CAMK1G: variants seen among roughly 807,000 people sequenced by gnomAD.
CAMK1G encodes the protein calcium/calmodulin dependent protein kinase IG.
CAMK1G carries 27 observed loss-of-function variants against 54.8 expected under a neutral mutation model. That is an observed-to-expected ratio of 0.49 (90% CI 0.36 to 0.68). The LOEUF (loss-of-function observed/expected upper bound fraction) is 0.68. CAMK1G is among the 30% of genes least tolerant of loss of function. The pLI is 0.00. For synonymous variants in CAMK1G, 238 were observed against 224.9 expected (o/e 1.06, Z -0.52); for missense variants, 512 against 591.0 (o/e 0.87, Z 1.39).
At position 209,611,830 on chromosome 1, in the gene CAMK1G, G is replaced by A. The variant is rs370405106; in HGVS notation, c.954G>A (p.Arg318=). The A allele has an allele frequency of 2.8e-5, 46 of 1,614,048 alleles. No individual in the cohort carries two copies. Among genetic ancestry groups the A allele is most frequent in the Non-Finnish European group, 3.7e-5 (44 of 1,180,052 alleles). The change falls in exon 11 of 13, where the codon AGG becomes AGA. Residue 318 remains arginine (R), a synonymous_variant. Transcript: ENST00000361322. ...FNAAAVVHHM[R]KLHMNLHSPG... ...CAGCAGCTGTGGTGCACCACATGAGGAAGCTACACATGAACCTGCACAGCC... is the reference window on the plus strand; with the variant it reads ...CAGCAGCTGTGGTGCACCACATGAGAAAGCTACACATGAACCTGCACAGCC...
intron 1 of CAMK1G, among the ~76,000 whole-genome samples, chr1:209,584,357 C>G (rs1665041554): frequency 6.6e-6 from 1 of 152,214 alleles, no homozygotes. Flanking sequence ...CTGGAGGAGT[C>G]TGTGGACAGG....
Position 209,612,858 on chromosome 1 carries a change from G to C in CAMK1G, c.1414G>C (p.Val472Leu). ...SSHCRAGQTG[V>L]CLIM ...CCACTGCCGGGCAGGGCAGACTGGA[G>C]TCTGTCTCATTATGTGATTCCTGGA... is the stretch of plus-strand genomic sequence containing the variant. Residue 472 changes from valine (V) to leucine (L), a missense_variant, in exon 12 of 13, where the codon GTC becomes CTC. Around this residue, in one of 3 missense-constraint regions of CAMK1G, gnomAD observed 315 missense variants for 330.5 expected, o/e 0.95. Coordinates refer to ENST00000361322, the MANE Select transcript of CAMK1G (RefSeq NM_020439.3). 1 of 1,612,556 alleles carries C rather than the reference G, an allele frequency of 6.2e-7. No individual in the cohort carries two copies. Among genetic ancestry groups the C allele is most frequent in the Non-Finnish European group, 8.5e-7 (1 of 1,178,674 alleles).
intron 1 of CAMK1G, among the ~76,000 whole-genome samples, chr1:209,591,391 A>G (rs1440205295): frequency 1.3e-5 from 2 of 152,258 alleles, no homozygotes; most frequent in Admixed American, 1.3e-4. Context: ...ATTATTATAT[A>G]GCCAGGTTGC....
chr1:209,595,732 C>T lies in CAMK1G; in HGVS notation c.92+657C>T, dbSNP rs1165188029. On this transcript the variant is annotated intron_variant, in intron 2 of 12. Transcript: ENST00000361322. ...GTGGGTCACACACACCTGAATCAGCCCCCTGCACCACCATCCTCCCTCCTC... is the reference window on the plus strand; with the variant it reads ...GTGGGTCACACACACCTGAATCAGCTCCCTGCACCACCATCCTCCCTCCTC... 3.9e-5 allele frequency among the ~76,000 whole-genome samples: 6 copies of T among 152,204 alleles called. No individual in the cohort carries two copies. The East Asian group carries it at 1.2e-3, about 29-fold the overall frequency.
chr1:209,592,578 A>G (rs1027113450), intron 1 of CAMK1G, among the ~76,000 whole-genome samples: 1 of 152,094 alleles, frequency 6.6e-6, no homozygotes, highest in African/African-American at 2.4e-5. Context: ...CGCTCCTCCT[A>G]GGCTTAAAGC....
At chr1:209,593,763 T>TTGCCCCCTCCC (rs764506273) in intron 1 of CAMK1G, among the ~76,000 whole-genome samples, 1 of 151,606 alleles carries the variant, frequency 6.6e-6, no homozygotes, top group South Asian at 2.1e-4. Context: ...TTCACATCTC[T>TTGCCCCCTCCC]CTCCCTTCAC....
chr1:209,588,631 G>A (rs1665166218), intron 1 of CAMK1G, among the ~76,000 whole-genome samples: 1 of 152,234 alleles, frequency 6.6e-6, no homozygotes, highest in South Asian at 2.1e-4. Context: ...AATCCGGCCA[G>A]TGTGGGGTCA....
intron 2 of CAMK1G, 39 bp downstream of exon 2, chr1:209,595,114 C>A: frequency 2.1e-6 from 3 of 1,441,992 alleles, no homozygotes; most frequent in Non-Finnish European, 2.9e-6. Flanking sequence ...GGCTGGGCTG[C>A]CTGCAGTGGG....
chr1:209,612,844 C>A lies in CAMK1G; in HGVS notation c.1400C>A (p.Ala467Glu). Reference sequence around the variant, plus strand: ...GCCAGTGGCAGCTCCCACTGCCGGGCAGGGCAGACTGGAGTCTGTCTCATT... The same window carrying A: ...GCCAGTGGCAGCTCCCACTGCCGGGAAGGGCAGACTGGAGTCTGTCTCATT... Reference protein sequence around the residue: ...VKASGSSHCRAGQTGVCLIM With the variant: ...VKASGSSHCREGQTGVCLIM The change falls in exon 12 of 13, where the codon GCA becomes GAA. Residue 467 changes from alanine to glutamate, a missense_variant. By Grantham distance (107) the Ala-to-Glu change is moderately radical. Around this residue, in one of 3 missense-constraint regions of CAMK1G, gnomAD observed 315 missense variants for 330.5 expected, o/e 0.95. Transcript: ENST00000361322. The A allele has an allele frequency of 6.2e-7, 1 of 1,613,502 alleles. No homozygotes were observed. Among genetic ancestry groups the A allele is most frequent in the Non-Finnish European group, 8.5e-7 (1 of 1,179,452 alleles).
In CAMK1G at chr1:209,613,160, G is replaced by T; in HGVS notation, c.*158G>T. 3.0e-6 allele frequency: 1 copy of T among 335,166 alleles called. No homozygotes were observed. The highest frequency in any genetic ancestry group is 5.7e-6 in the Non-Finnish European group (1 of 174,330). 20.8% of individuals were successfully genotyped at this position (335,166 alleles called of 1,614,324 possible). ...TTCTGGCCAGAAGCACCAGCCTGCTGCCAGCGGGGCAGCCCCTCATAGGAG... is the reference window on the plus strand; with the variant it reads ...TTCTGGCCAGAAGCACCAGCCTGCTTCCAGCGGGGCAGCCCCTCATAGGAG... On this transcript the variant is annotated 3_prime_UTR_variant, in exon 13 of 13. Transcript: ENST00000361322.
chr1:209,591,412 A>G (rs1252614713), intron 1 of CAMK1G, among the ~76,000 whole-genome samples: 8 of 152,236 alleles, frequency 5.3e-5, no homozygotes, highest in Non-Finnish European at 1.2e-4. Flanking sequence ...AAGTTGACAC[A>G]TTATTAAAAT....
At chr1:209,594,378 A>G (rs1322636544) in intron 1 of CAMK1G, among the ~76,000 whole-genome samples, 2 of 152,250 alleles carry the variant, frequency 1.3e-5, no homozygotes, top group African/African-American at 4.8e-5. Flanking sequence ...TTGAATAAAT[A>G]TGGTAACTCC....
At chr1:209,600,453 C>T (rs145263015) in intron 3 of CAMK1G, among the ~76,000 whole-genome samples, 1 of 152,322 alleles carries the variant, frequency 6.6e-6, no homozygotes, top group African/African-American at 2.4e-5. Flanking sequence ...TGGAAATTAG[C>T]TTCAATTTAT....
chr1:209,609,178 C>T lies in CAMK1G; in HGVS notation c.748+86C>T, dbSNP rs140483050. 3,475 of 1,531,852 alleles carry T rather than the reference C, an allele frequency of 2.3e-3. 7 individuals carry two copies. Among genetic ancestry groups the T allele is most frequent in the Non-Finnish European group, 2.7e-3 (2,991 of 1,115,024 alleles). 94.9% of individuals were successfully genotyped at this position (1,531,852 alleles called of 1,614,324 possible). A position where few individuals can be genotyped will look rare whatever the true frequency, so the allele number is the denominator to read the frequency against. Reference sequence around the variant, plus strand: ...TGAGCTTAACAAAGGATGACAGTCCCGGCTCTTCAAAGTCCCTGGGGATCT... The same window carrying T: ...TGAGCTTAACAAAGGATGACAGTCCTGGCTCTTCAAAGTCCCTGGGGATCT... On this transcript the variant is annotated intron_variant, in intron 8 of 12. Coordinates refer to ENST00000361322, the MANE Select transcript of CAMK1G (RefSeq NM_020439.3).
chr1:209,591,531 A>G (rs7528476), intron 1 of CAMK1G, among the ~76,000 whole-genome samples: 96,217 of 152,066 alleles, frequency 0.63, 30,631 homozygotes, highest in Non-Finnish European at 0.66. Flanking sequence ...GAATTTGTCC[A>G]TTGTAGCGTA....
In CAMK1G at chr1:209,605,598, C is replaced by A; in HGVS notation, c.359C>A (p.Ala120Asp). Residue 120 changes from alanine (A) to aspartate (D), a missense_variant, in exon 5 of 13, where the codon GCC (alanine) becomes GAC (aspartate). Coordinates refer to ENST00000361322, the MANE Select transcript of CAMK1G (RefSeq NM_020439.3). ...LERGVYTEKD[A>D]SLVIQQVLSA... Reference sequence around the variant, plus strand: ...CGGGGTGTCTACACAGAGAAGGATGCCAGTCTGGTGATCCAGCAGGTCTTG... The same window carrying A: ...CGGGGTGTCTACACAGAGAAGGATGACAGTCTGGTGATCCAGCAGGTCTTG... 1 of 1,614,062 alleles carries A rather than the reference C, an allele frequency of 6.2e-7. No homozygotes were observed. Among genetic ancestry groups the A allele is most frequent in the Non-Finnish European group, 8.5e-7 (1 of 1,179,958 alleles).
intron 1 of CAMK1G, among the ~76,000 whole-genome samples, chr1:209,591,576 G>A (rs1222471300): frequency 6.6e-6 from 1 of 152,178 alleles, no homozygotes; most frequent in Admixed American, 6.5e-5. Context: ...GTCTCGTTTA[G>A]CTGACCTTAT....
At chr1:209,612,747 C>T (rs1258258881) in intron 11 of CAMK1G, 38 bp from the exon 12 acceptor site, 2 of 1,582,064 alleles carry the variant, frequency 1.3e-6, no homozygotes, top group South Asian at 2.2e-5. Context: ...CTTCTTCCCT[C>T]AAATACTTCA....
intron 1 of CAMK1G, among the ~76,000 whole-genome samples, chr1:209,584,444 C>A (rs551774474): frequency 6.6e-6 from 1 of 152,286 alleles, no homozygotes; most frequent in East Asian, 1.9e-4. Context: ...AAGACAGCTT[C>A]CTTCACCTTC....
Sources: gnomAD v4.1 joint callset for allele counts (sites outside exome capture counted in the v4.1 genomes callset) on GRCh38, gnomAD v4.1.1 for gene constraint, gnomAD v4.1.1 regional missense constraint, MANE v1.5 for transcripts, NCBI Gene and HGNC (gene_info 2026-07-23, HGNC 2026-07-21) for gene names.